RNF123: variants seen among roughly 807,000 people sequenced by gnomAD.
The protein encoded by RNF123 is E3 ubiquitin-protein ligase RNF123.
Under a neutral mutation model 168.5 loss-of-function variants are expected in RNF123, and 86 were observed. The observed-to-expected ratio is 0.51, with a 90% CI of 0.43 to 0.61. RNF123 has a LOEUF of 0.61. Among genes scored for constraint, RNF123 ranks in the 20% least tolerant of loss-of-function variants. The probability of loss-of-function intolerance (pLI) is 0.00; values close to 1 mark genes in which losing one functional copy is unlikely to be tolerated. For synonymous variants in RNF123, 666 were observed against 689.1 expected (o/e 0.97, Z 0.52); for missense variants, 1,419 against 1,729.7 (o/e 0.82, Z 3.19).
chr3:49,720,803 C>G lies in RNF123; in HGVS notation c.3647C>G (p.Ala1216Gly). ...GACACTACCTACCACTCCCCAGATG[C>G]GGATTATATCAGTGCCGATGAGCTG... is the stretch of plus-strand genomic sequence containing the variant. The part of the protein sequence containing the change: ...DRKRFSLQSY[A>G]DYISADELAQ... The change falls in exon 37 of 39, where the codon GCG (alanine) becomes GGG (glycine). Residue 1216 changes from alanine (A) to glycine (G), a missense_variant. Ala to Gly is a moderately conservative substitution (Grantham distance 60, BLOSUM62 0). This residue lies in a region of RNF123 where 164 missense variants were observed against 152.3 expected (regional missense o/e 1.08). Coordinates refer to ENST00000327697, the MANE Select transcript of RNF123 (RefSeq NM_022064.5). 1 of 1,614,148 alleles carries G rather than the reference C, an allele frequency of 6.2e-7. No homozygotes were observed. Among genetic ancestry groups the G allele is most frequent in the South Asian group, 1.1e-5 (1 of 91,072 alleles).
At chr3:49,717,691 G>A (rs781357128) in intron 35 of RNF123, 76 of 567,484 alleles carry the variant, frequency 1.3e-4, no homozygotes, top group Non-Finnish European at 2.1e-4. Context: ...GGAAGTCCGC[G>A]GGAAAGCAGG....
intron 35 of RNF123, 195 bp from the exon 36 acceptor site, chr3:49,720,316 A>C: frequency 2.3e-6 from 1 of 441,312 alleles, no homozygotes; most frequent in Non-Finnish European, 3.8e-6. Context: ...ACTCGTCTCA[A>C]GAAAAAAAAA....
chr3:49,720,832 C>T lies in RNF123; in HGVS notation c.3676C>T (p.Gln1226Ter). The part of the protein sequence containing the change: ...ADYISADELA[Q>*]VEQMLAHLTS... ...TTATATCAGTGCCGATGAGCTGGCC[C>T]AAGTGGAACAGATGCTGGCGCACCT... Residue 1226 changes from glutamine (Q) to a stop codon, truncating the protein, a stop_gained, in exon 37 of 39, where the codon CAA becomes TAA. Transcript: ENST00000327697. LOFTEE classifies it high-confidence loss of function. 6.2e-7 allele frequency: 1 copy of T among 1,614,196 alleles called. No individual in the cohort carries two copies. The highest frequency in any genetic ancestry group is 8.5e-7 in the Non-Finnish European group (1 of 1,180,034).
At chr3:49,709,310 T>G (rs1356218889) in intron 26 of RNF123, among the ~76,000 whole-genome samples, 3 of 146,198 alleles carry the variant, frequency 2.1e-5, no homozygotes, top group Middle Eastern at 3.8e-3. Flanking sequence ...TTTGTATTTT[T>G]TTTTTTTTGA....
chr3:49,694,391 T>C (rs2054228086), intron 3 of RNF123, among the ~76,000 whole-genome samples: 1 of 152,216 alleles, frequency 6.6e-6, no homozygotes, highest in Non-Finnish European at 1.5e-5. Flanking sequence ...TGAGTATTTT[T>C]CCCCATTATC....
intron 3 of RNF123, 70 bp from the exon 4 acceptor site, chr3:49,697,073 G>A: frequency 7.6e-7 from 1 of 1,311,608 alleles, no homozygotes; most frequent in African/African-American, 1.4e-5. Flanking sequence ...CAGGGGAAAG[G>A]ATGGGATTTA....
At chr3:49,702,812 C>T (rs1006661496) in intron 20 of RNF123, 59 bp downstream of exon 20, 1 of 1,610,328 alleles carries the variant, frequency 6.2e-7, no homozygotes, top group African/African-American at 1.3e-5. Context: ...GTAGGGCAGC[C>T]CCTAATGTTA....
chr3:49,695,673 T>G (rs963936814), intron 3 of RNF123, among the ~76,000 whole-genome samples: 5 of 152,178 alleles, frequency 3.3e-5, no homozygotes, highest in Non-Finnish European at 7.4e-5. Context: ...CTTTGTCCCC[T>G]TCCAGAGCTT....
In RNF123 at chr3:49,713,753, T is replaced by A; in HGVS notation, c.2765T>A (p.Leu922Gln). 6.2e-7 allele frequency: 1 copy of A among 1,605,512 alleles called. No individual in the cohort carries two copies. Among genetic ancestry groups the A allele is most frequent in the East Asian group, 2.3e-5 (1 of 44,366 alleles). ...GTCCCCGCAGACATCCGAGACTCAC[T>A]GATGCAGGCCCTGGCCAGCTACGTG... is the stretch of plus-strand genomic sequence containing the variant. ...RIVGTDIRDS[L>Q]MQALASYVCY... is the part of the protein sequence containing the mutation. The change falls in exon 29 of 39, where the codon CTG (leucine) becomes CAG (glutamine). Residue 922 changes from leucine (L) to glutamine (Q), a missense_variant. Physicochemically the swap from Leu to Gln is moderately radical, Grantham distance 113. Coordinates refer to ENST00000327697, the MANE Select transcript of RNF123 (RefSeq NM_022064.5).
rs755193049 is a variant in RNF123, at chr3:49,721,481, T to C, written c.*176T>C. 14 of 946,394 alleles carry C rather than the reference T, an allele frequency of 1.5e-5. No individual in the cohort carries two copies. Among genetic ancestry groups the C allele is most frequent in the Non-Finnish European group, 2.2e-5 (13 of 582,818 alleles). The allele number at this position is 946,394 out of a possible 1,614,324, so 58.6% of individuals were successfully genotyped here. On this transcript the variant is annotated 3_prime_UTR_variant, in exon 39 of 39. Coordinates refer to ENST00000327697, the MANE Select transcript of RNF123 (RefSeq NM_022064.5). ...GCCATGGCCCTAATTGTGCCTGAGC[T>C]TGACTTTCAGTCAGGGCCACAGTGA... is the stretch of plus-strand genomic sequence containing the variant.
At chr3:49,715,344 G>A (rs1575539351) in intron 31 of RNF123, 2 of 590,356 alleles carry the variant, frequency 3.4e-6, no homozygotes, top group East Asian at 5.8e-5. Flanking sequence ...TGTGGTGTCA[G>A]GGCTGGACAC....
In RNF123 at chr3:49,700,660, G is replaced by A. The variant is rs1227302674; in HGVS notation, c.1228G>A (p.Ala410Thr). Residue 410 changes from alanine (A) to threonine (T), a missense_variant, in exon 15 of 39, where the codon GCC becomes ACC. This residue lies in a region of RNF123 where 349 missense variants were observed against 344.9 expected (regional missense o/e 1.01). Coordinates refer to ENST00000327697, the MANE Select transcript of RNF123 (RefSeq NM_022064.5). ...GATCCATTACCTGCGGCTCACTATCGCCATCCTGAGGCATGAGAAGTCCCG... is the reference window on the plus strand; with the variant it reads ...GATCCATTACCTGCGGCTCACTATCACCATCCTGAGGCATGAGAAGTCCCG... Reference protein sequence around the residue: ...LQIHYLRLTIAILRHEKSRKF... With the variant: ...LQIHYLRLTITILRHEKSRKF... 3.7e-6 allele frequency: 6 copies of A among 1,614,134 alleles called. No individual in the cohort carries two copies. The highest frequency in any genetic ancestry group is 2.2e-5 in the East Asian group (1 of 44,870).
intron 3 of RNF123, among the ~76,000 whole-genome samples, chr3:49,694,380 G>T (rs540567495): frequency 6.6e-6 from 1 of 152,242 alleles, no homozygotes; most frequent in East Asian, 1.9e-4. Flanking sequence ...ATGTTATCCC[G>T]TGAGTATTTT....
chr3:49,710,889 A>T (rs896858129), intron 26 of RNF123, among the ~76,000 whole-genome samples: 1 of 152,116 alleles, frequency 6.6e-6, no homozygotes, highest in Non-Finnish European at 1.5e-5. Flanking sequence ...GGTCTTTATT[A>T]TGTTGAACTG....
intron 35 of RNF123, chr3:49,716,746 G>A (rs1003912296): frequency 2.2e-6 from 1 of 456,088 alleles, no homozygotes; most frequent in Non-Finnish European, 4.0e-6. Flanking sequence ...GCCAGGCATG[G>A]GAGGCAGGAC....
chr3:49,704,649 G>C lies in RNF123; in HGVS notation c.1853-1G>C, dbSNP rs376922086. On this transcript the variant is annotated splice_acceptor_variant, in intron 21 of 38. Coordinates refer to ENST00000327697, the MANE Select transcript of RNF123 (RefSeq NM_022064.5). LOFTEE classifies it high-confidence loss of function. ...GAGAACCCTCCTGCTCTTCCTCCCA[G>C]ATGACCTTGCTTCCAAAGCCAACAT... 3 of 1,608,424 alleles carry C rather than the reference G, an allele frequency of 1.9e-6. No homozygotes were observed. Among genetic ancestry groups the C allele is most frequent in the Non-Finnish European group, 2.5e-6 (3 of 1,177,456 alleles).
Position 49,705,972 on chromosome 3 carries a change from T to G in RNF123, c.2305-10T>G. 1 of 1,613,370 alleles carries G rather than the reference T, an allele frequency of 6.2e-7. No individual in the cohort carries two copies. Among genetic ancestry groups the G allele is most frequent in the Non-Finnish European group, 8.5e-7 (1 of 1,179,560 alleles). ...GGGGCACTCTGGACATGTGGTCCCA[T>G]GCTGTGTAGATGGTGGGTGTCTCCG... On this transcript the variant is annotated splice_polypyrimidine_tract_variant and intron_variant, in intron 24 of 38. Transcript: ENST00000327697.
chr3:49,716,534 G>T, intron 35 of RNF123, 57 bp downstream of exon 35: 3 of 1,379,756 alleles, frequency 2.2e-6, no homozygotes, highest in Non-Finnish European at 2.0e-6. Context: ...GTGAGGAGGG[G>T]CTGGACAGGG....
intron 26 of RNF123, among the ~76,000 whole-genome samples, chr3:49,710,070 A>G (rs1451877921): frequency 1.3e-5 from 2 of 151,476 alleles, no homozygotes; most frequent in African/African-American, 4.9e-5. Context: ...TCCTGGGTTC[A>G]AGGAATCCTC....
Sources: gnomAD v4.1 joint callset for allele counts (sites outside exome capture counted in the v4.1 genomes callset) on GRCh38, gnomAD v4.1.1 for gene constraint, gnomAD v4.1.1 regional missense constraint, MANE v1.5 for transcripts, NCBI Gene and HGNC (gene_info 2026-07-23, HGNC 2026-07-21) for gene names.